The following DBN1 variants were observed in gnomAD, a reference collection of about 807,000 sequenced individuals.
The protein encoded by DBN1 is drebrin 1, also known as drebrin.
Under a neutral mutation model 83.5 loss-of-function variants are expected in DBN1, and 21 were observed. The observed-to-expected ratio is 0.25, with a 90% CI of 0.18 to 0.36. DBN1 has a LOEUF of 0.36. DBN1 is among the 10% of genes least tolerant of loss of function. The probability of loss-of-function intolerance (pLI) is 1.00; values close to 1 mark genes in which losing one functional copy is unlikely to be tolerated. For missense variants in DBN1, 874 were observed against 935.7 expected, an observed-to-expected ratio of 0.93 and a Z score of 0.86; for synonymous variants, 381 against 384.9, an observed-to-expected ratio of 0.99 and a Z score of 0.12.
intron 13 of DBN1, 133 bp downstream of exon 13, chr5:177,457,925 G>T (rs1159871231): frequency 1.5e-6 from 2 of 1,319,836 alleles, no homozygotes; most frequent in Middle Eastern, 1.8e-4. Flanking sequence ...GAGGGAGGGT[G>T]GGATGGACTT....
At chr5:177,465,109 C>A (rs1209403916) in intron 8 of DBN1, among the ~76,000 whole-genome samples, 1 of 152,036 alleles carries the variant, frequency 6.6e-6, no homozygotes, top group Admixed American at 6.6e-5. Flanking sequence ...GCTGAGATGG[C>A]GCCACTGCAC....
chr5:177,470,747 T>C (rs1228231884), intron 1 of DBN1, among the ~76,000 whole-genome samples: 3 of 152,186 alleles, frequency 2.0e-5, no homozygotes, highest in Non-Finnish European at 2.9e-5. Flanking sequence ...CAGCCTCTCC[T>C]GAGCTGCCCC....
rs191073746 is a variant in DBN1, at chr5:177,459,030, G to A, written c.1264+68C>T. Reference sequence around the variant, plus strand: ...CAGATCCCTGGAGAACGGTTACCATGGCAACCTGGGGCTCCCAGCCAGGGA... The same window carrying A: ...CAGATCCCTGGAGAACGGTTACCATAGCAACCTGGGGCTCCCAGCCAGGGA... On this transcript the variant is annotated intron_variant, in intron 12 of 14. Transcript: ENST00000393565. 843 of 1,537,804 alleles carry A rather than the reference G, an allele frequency of 5.5e-4. 3 individuals carry two copies. The African/African-American group carries it at 8.6e-3, about 16-fold the overall frequency.
At chr5:177,470,579 G>A (rs1262125059) in intron 1 of DBN1, among the ~76,000 whole-genome samples, 1 of 152,176 alleles carries the variant, frequency 6.6e-6, no homozygotes, top group African/African-American at 2.4e-5. Context: ...GGGACACACT[G>A]GACGGCTCCC....
Position 177,467,783 on chromosome 5 carries a change from G to A in DBN1, c.290C>T (p.Ala97Val). 1 of 1,556,882 alleles carries A rather than the reference G, an allele frequency of 6.4e-7. No individual in the cohort carries two copies. The highest frequency in any genetic ancestry group is 8.7e-7 in the Non-Finnish European group (1 of 1,150,324). The part of the protein sequence containing the change: ...GEDVPDARKC[A>V]CASHVAKVAE... ...CACCTTAGCCACGTGGCTGGCACAA[G>A]CGCACTTGCGGGCATCAGGCACATC... The change falls in exon 4 of 15, where the codon GCT (alanine) becomes GTT (valine). Residue 97 changes from alanine to valine, a missense_variant. By Grantham distance (64) the Ala-to-Val change is moderately conservative. Around this residue, in one of 4 missense-constraint regions of DBN1, gnomAD observed 65 missense variants for 97.3 expected, o/e 0.67. Coordinates refer to ENST00000393565, the MANE Select transcript of DBN1 (RefSeq NM_001363541.2). The surrounding 1 kb of genome is among the most constrained non-coding windows in gnomAD (Gnocchi z 9.1).
At chr5:177,459,363 A>T in intron 11 of DBN1, 95 bp from the exon 12 acceptor site, 4 of 1,519,636 alleles carry the variant, frequency 2.6e-6, no homozygotes, top group Non-Finnish European at 3.5e-6. Flanking sequence ...TCCTCTCTGG[A>T]ATCTGGGTGG....
intron 1 of DBN1, among the ~76,000 whole-genome samples, chr5:177,469,359 C>A (rs1757689959): frequency 6.6e-6 from 1 of 152,098 alleles, no homozygotes. Context: ...CTGGTGCTCC[C>A]AACAGCTCTG....
At chr5:177,465,148 G>A (rs966539700) in intron 8 of DBN1, among the ~76,000 whole-genome samples, 3 of 151,990 alleles carry the variant, frequency 2.0e-5, no homozygotes, top group Non-Finnish European at 2.9e-5. Context: ...GCGAGATTCC[G>A]TCTCAAAAAA....
chr5:177,467,543 G>A lies in DBN1; in HGVS notation c.415C>T (p.Arg139Ter). ...CGGTGCAGCACAGGGCTGGAGAGTC[G>A]CGCCAGCCCGTTAGAGAGCCGCTGC... ...IGQRLSNGLA[R>*]LSSPVLHRLR... The change falls in exon 5 of 15, where the codon CGA becomes TGA. Residue 139 changes from arginine (R) to a stop codon, truncating the protein, a stop_gained. Transcript: ENST00000393565. LOFTEE classifies it high-confidence loss of function. This position sits in a 1 kb window ranked among gnomAD's most constrained non-coding sequence, Gnocchi z 9.1. The A allele has an allele frequency of 6.4e-7, 1 of 1,565,180 alleles. No homozygotes were observed. The highest frequency in any genetic ancestry group is 8.7e-7 in the Non-Finnish European group (1 of 1,154,988).
chr5:177,464,761 G>A (rs1225655279), intron 8 of DBN1, among the ~76,000 whole-genome samples: 1 of 152,068 alleles, frequency 6.6e-6, no homozygotes, highest in African/African-American at 2.4e-5. Context: ...CCAACATGGT[G>A]AAACCCCATC....
chr5:177,472,975 G>A (rs1174544828), intron 1 of DBN1: 2 of 392,536 alleles, frequency 5.1e-6, no homozygotes, highest in African/African-American at 2.2e-5. Flanking sequence ...TGCTGTGGCC[G>A]GGCCGGGCTG....
At chr5:177,461,757 C>T (rs918766436) in intron 8 of DBN1, among the ~76,000 whole-genome samples, 3 of 152,178 alleles carry the variant, frequency 2.0e-5, no homozygotes, top group Admixed American at 6.5e-5. Context: ...TCCATAGGCC[C>T]TGAAAGGACC....
intron 8 of DBN1, among the ~76,000 whole-genome samples, chr5:177,462,748 C>G (rs541699373): frequency 6.6e-6 from 1 of 152,300 alleles, no homozygotes; most frequent in African/African-American, 2.4e-5. Flanking sequence ...TAGCTTATGT[C>G]AGGAGCACTG....
At position 177,467,155 on chromosome 5, in the gene DBN1, G is replaced by A. The variant is rs1757504805; in HGVS notation, c.556-93C>T. On this transcript the variant is annotated intron_variant, in intron 6 of 14. Transcript: ENST00000393565. The surrounding 1 kb of genome is among the most constrained non-coding windows in gnomAD (Gnocchi z 9.1). ...CTCCCTAACCCAGCGCTGGGGGCGGGGCACGTGGCATGGGCCATGCCACTG... is the reference window on the plus strand; with the variant it reads ...CTCCCTAACCCAGCGCTGGGGGCGGAGCACGTGGCATGGGCCATGCCACTG... 9 of 1,606,788 alleles carry A rather than the reference G, an allele frequency of 5.6e-6. 1 individual carries two copies. The South Asian group carries it at 8.8e-5, about 16-fold the overall frequency.
intron 1 of DBN1, among the ~76,000 whole-genome samples, chr5:177,470,627 G>A (rs866872620): frequency 1.3e-5 from 2 of 152,214 alleles, no homozygotes; most frequent in South Asian, 2.1e-4. Flanking sequence ...TCACCCTGAA[G>A]CCTCTGCCTA....
chr5:177,466,927 G>C lies in DBN1; in HGVS notation c.691C>G (p.Gln231Glu). ...RERRYREREQ[Q>E]IEEHRRKQQT... The stretch of plus-strand genomic sequence containing the variant: ...CAGGCTCACCTGTGCTCCTCGATCT[G>C]CTGCTCCCGCTCCCGGTAGCGCCGC... The change falls in exon 7 of 15, where the codon CAG becomes GAG. Residue 231 changes from glutamine (Q) to glutamate (E), a missense_variant. Gln to Glu is a conservative substitution (Grantham distance 29). Coordinates refer to ENST00000393565, the MANE Select transcript of DBN1 (RefSeq NM_001363541.2). The surrounding 1 kb of genome is among the most constrained non-coding windows in gnomAD (Gnocchi z 4.8). 6 of 1,612,666 alleles carry C rather than the reference G, an allele frequency of 3.7e-6. No homozygotes were observed. Among genetic ancestry groups the C allele is most frequent in the Non-Finnish European group, 5.1e-6 (6 of 1,179,762 alleles).
intron 1 of DBN1, among the ~76,000 whole-genome samples, chr5:177,471,672 C>T (rs949092117): frequency 6.6e-6 from 1 of 152,124 alleles, no homozygotes; most frequent in Admixed American, 6.5e-5. Flanking sequence ...CCTTAGTGAA[C>T]GAATGTGTGC....
rs1757624183 is a variant in DBN1 at position 177,468,472 on chromosome 5, T to C, written c.143-252A>G. On this transcript the variant is annotated intron_variant, in intron 2 of 14. Transcript: ENST00000393565. ...CTGAGGAAGTGTTTGTTCTTCACAC[T>C]CAGGTCTCATTCTTCACACATCATC... 3.4e-5 allele frequency: 19 copies of C among 558,370 alleles called. No individual in the cohort carries two copies. The South Asian group carries it at 4.3e-4, about 13-fold the overall frequency. 34.6% of individuals were successfully genotyped at this position (558,370 alleles called of 1,614,324 possible).
At chr5:177,472,669 G>A (rs1254450006) in intron 1 of DBN1, 1 of 558,564 alleles carries the variant, frequency 1.8e-6, no homozygotes, top group Non-Finnish European at 2.4e-6. Flanking sequence ...TTGTTCTCCA[G>A]AGGGCTTCCT....
Sources: gnomAD v4.1 joint callset for allele counts (sites outside exome capture counted in the v4.1 genomes callset) on GRCh38, gnomAD v4.1.1 for gene constraint, gnomAD v4.1.1 regional missense constraint, Gnocchi (gnomAD v3.1) non-coding constraint, MANE v1.5 for transcripts, NCBI Gene and HGNC (gene_info 2026-07-23, HGNC 2026-07-21) for gene names.